PAFAH1B1: variants seen among roughly 807,000 people sequenced by gnomAD.
PAFAH1B1 encodes platelet activating factor acetylhydrolase 1b regulatory subunit 1, also known as platelet-activating factor acetylhydrolase IB subunit beta.
A neutral mutation model predicts 57.5 loss-of-function variants in PAFAH1B1; 2 were observed. That is an observed-to-expected ratio of 0.03 (90% CI 0.01 to 0.11). The LOEUF (loss-of-function observed/expected upper bound fraction) is 0.11, where lower values mean the gene tolerates loss of function less well. PAFAH1B1 is among the 10% of genes least tolerant of loss of function. The probability of loss-of-function intolerance (pLI) is 1.00; values close to 1 mark genes in which losing one functional copy is unlikely to be tolerated. For synonymous variants in PAFAH1B1, 152 were observed against 169.6 expected (o/e 0.90, Z 0.81); for missense variants, 257 against 512.0 (o/e 0.50, Z 4.81).
At position 2,674,198 on chromosome 17, in the gene PAFAH1B1, T is replaced by C; in HGVS notation, c.810T>C (p.Ala270=). ...VWVVATKECK[A]ELREHEHVVE... ...TCGTAGCAACAAAGGAATGCAAGGC[T>C]GAGCTCCGAGAGCATGAGCATGTGG... Residue 270 remains alanine (A), a synonymous_variant, in exon 8 of 11, where the codon GCT becomes GCC. Transcript: ENST00000397195. 6.2e-7 allele frequency: 1 copy of C among 1,614,052 alleles called. No homozygotes were observed. The highest frequency in any genetic ancestry group is 1.1e-5 in the South Asian group (1 of 91,080).
intron 9 of PAFAH1B1, chr17:2,679,899 A>G (rs2069351234): frequency 2.2e-6 from 1 of 463,680 alleles, no homozygotes; most frequent in Non-Finnish European, 3.9e-6. Flanking sequence ...GATAGACTAC[A>G]TATTGAGATT....
At chr17:2,657,672 A>G (rs1331019184) in intron 2 of PAFAH1B1, among the ~76,000 whole-genome samples, 1 of 152,192 alleles carries the variant, frequency 6.6e-6, no homozygotes, top group African/African-American at 2.4e-5. Context: ...AAGTCCTCGC[A>G]TCTCGCCTTT....
At chr17:2,653,831 G>A (rs990102274) in intron 2 of PAFAH1B1, among the ~76,000 whole-genome samples, 4 of 151,560 alleles carry the variant, frequency 2.6e-5, no homozygotes, top group African/African-American at 9.7e-5. Flanking sequence ...TTTTGAAACC[G>A]AGTCTTATAC....
intron 1 of PAFAH1B1, among the ~76,000 whole-genome samples, chr17:2,595,358 A>G (rs1430584391): frequency 1.3e-5 from 2 of 150,270 alleles, no homozygotes; most frequent in Admixed American, 1.3e-4. Flanking sequence ...CGGAGGAGAC[A>G]GTGCTTGGGC....
chr17:2,670,104 T>C (rs763770941), intron 5 of PAFAH1B1, 59 bp from the exon 6 acceptor site: 26 of 1,474,200 alleles, frequency 1.8e-5, no homozygotes, highest in Non-Finnish European at 2.4e-5. Context: ...TGAGTGCAAA[T>C]GTGAAACAAG....
chr17:2,643,027 A>T (rs560303016), intron 2 of PAFAH1B1, among the ~76,000 whole-genome samples: 2 of 152,130 alleles, frequency 1.3e-5, no homozygotes, highest in East Asian at 3.9e-4. Flanking sequence ...TGAGATAGAT[A>T]TATATCTTCT....
intron 1 of PAFAH1B1, among the ~76,000 whole-genome samples, chr17:2,617,910 C>G (rs922274654): frequency 6.6e-6 from 1 of 150,436 alleles, no homozygotes; most frequent in Admixed American, 6.7e-5. Context: ...GGCAACAGAG[C>G]GAGACTCAGT....
At chr17:2,654,916 A>G (rs929496254) in intron 2 of PAFAH1B1, among the ~76,000 whole-genome samples, 1 of 150,862 alleles carries the variant, frequency 6.6e-6, no homozygotes, top group Non-Finnish European at 1.5e-5. Flanking sequence ...TGCTGGAATT[A>G]CAGGTGTGAG....
intron 1 of PAFAH1B1, among the ~76,000 whole-genome samples, chr17:2,625,557 T>A (rs185689736): frequency 6.6e-6 from 1 of 152,358 alleles, no homozygotes; most frequent in East Asian, 1.9e-4. Flanking sequence ...TTATTTGTAC[T>A]GTTGGTTAAT....
At chr17:2,627,272 G>C (rs1019754105) in intron 1 of PAFAH1B1, among the ~76,000 whole-genome samples, 13 of 152,144 alleles carry the variant, frequency 8.5e-5, no homozygotes, top group African/African-American at 3.1e-4. Flanking sequence ...TTTGTATAAG[G>C]TGAGAGATGA....
intron 2 of PAFAH1B1, among the ~76,000 whole-genome samples, chr17:2,653,889 A>C (rs1294614192): frequency 6.6e-6 from 1 of 151,924 alleles, no homozygotes; most frequent in African/African-American, 2.4e-5. Context: ...GCTTACTGCA[A>C]CCTCCACCTC....
chr17:2,674,603 T>G (rs1222066371), intron 8 of PAFAH1B1, among the ~76,000 whole-genome samples: 1 of 152,238 alleles, frequency 6.6e-6, no homozygotes, highest in African/African-American at 2.4e-5. Context: ...GGTTAAAGTT[T>G]TCTGTCAGAA....
intron 2 of PAFAH1B1, among the ~76,000 whole-genome samples, chr17:2,662,266 C>T (rs192124004): frequency 6.6e-6 from 1 of 152,150 alleles, no homozygotes; most frequent in Admixed American, 6.6e-5. Flanking sequence ...TAAGCCTAGG[C>T]TGTGTCTAGC....
rs2068052725 is a variant in PAFAH1B1 at position 2,593,907 on chromosome 17, CCTCCCTCCTTCCTCCCTCCCCT to C, written c.-281_-260del. On this transcript the variant is annotated 5_prime_UTR_variant, in exon 1 of 11. Coordinates refer to ENST00000397195, the MANE Select transcript of PAFAH1B1 (RefSeq NM_000430.4). ...CGCCATCCTCCCCCCTCCTTCCCTC[CCTCCCTCCTTCCTCCCTCCCCT>C]CTCCCTCCCCCTCCCCCGCCGGTGG... 7 of 373,200 alleles carry C rather than the reference CCTCCCTCCTTCCTCCCTCCCCT, an allele frequency of 1.9e-5. No individual in the cohort carries two copies. The highest frequency in any genetic ancestry group is 3.8e-5 in the East Asian group (1 of 26,358). 23.1% of individuals were successfully genotyped at this position (373,200 alleles called of 1,614,324 possible). A position where few individuals can be genotyped will look rare whatever the true frequency, so the allele number is the denominator to read the frequency against.
At chr17:2,662,376 CTT>C (rs1008162906) in intron 2 of PAFAH1B1, among the ~76,000 whole-genome samples, 19 of 94,944 alleles carry the variant, frequency 2.0e-4, no homozygotes, top group East Asian at 8.4e-4. Context: ...TTTTTAACCT[CTT>C]TGTGTGTGTG....
At chr17:2,612,987 A>G (rs901426298) in intron 1 of PAFAH1B1, among the ~76,000 whole-genome samples, 8 of 152,078 alleles carry the variant, frequency 5.3e-5, no homozygotes, top group African/African-American at 1.4e-4. Flanking sequence ...AAAAATCAAA[A>G]TAAAATGTTT....
chr17:2,655,183 A>ATGTGTGTGTGTGTGTG (rs34493806), intron 2 of PAFAH1B1, among the ~76,000 whole-genome samples: 32 of 143,932 alleles, frequency 2.2e-4, no homozygotes, highest in Non-Finnish European at 3.9e-4. Context: ...ATATACATAT[A>ATGTGTGTGTGTGTGTG]TGTGTGTGTG....
At chr17:2,679,577 A>C (rs981908797) in intron 9 of PAFAH1B1, 8 of 123,166 alleles carry the variant, frequency 6.5e-5, no homozygotes, top group African/African-American at 2.5e-4. Flanking sequence ...TAGATGGATG[A>C]TTGGATGGAT....
chr17:2,648,534 C>T (rs1233951883), intron 2 of PAFAH1B1, among the ~76,000 whole-genome samples: 2 of 151,812 alleles, frequency 1.3e-5, no homozygotes, highest in Non-Finnish European at 2.9e-5. Flanking sequence ...AAAAAATAGC[C>T]GGGTGTGGTG....
Sources: allele counts gnomAD v4.1 joint callset (sites outside exome capture counted in the v4.1 genomes callset), GRCh38; gene constraint gnomAD v4.1.1; transcripts MANE v1.5; gene names NCBI Gene and HGNC (gene_info 2026-07-23, HGNC 2026-07-21).